Variants in RSU1 observed in about 807,000 individuals in gnomAD.
RSU1 encodes the protein rsu-1.
Under a neutral mutation model 31.1 loss-of-function variants are expected in RSU1, and 26 were observed. The ratio of observed to expected loss-of-function variants is 0.84; its 90% CI spans 0.61 to 1.16. The LOEUF (loss-of-function observed/expected upper bound fraction) is 1.16. Among genes scored for constraint, RSU1 ranks in the 50% most tolerant of loss-of-function variants. RSU1 has a pLI of 0.00. For synonymous variants in RSU1, 164 were observed against 136.3 expected, an observed-to-expected ratio of 1.20 and a Z score of -1.41; for missense variants, 320 against 339.1, an observed-to-expected ratio of 0.94 and a Z score of 0.44.
At chr10:16,806,389 T>A (rs1355471488) in intron 2 of RSU1, among the ~76,000 whole-genome samples, 4 of 152,216 alleles carry the variant, frequency 2.6e-5, no homozygotes, top group Non-Finnish European at 5.9e-5. Context: ...CTGAGAACAC[T>A]GCTTCCGACG....
At chr10:16,750,866 T>TC (rs1167039071) in intron 7 of RSU1, among the ~76,000 whole-genome samples, 1 of 150,216 alleles carries the variant, frequency 6.7e-6, no homozygotes, top group African/African-American at 2.5e-5. Context: ...GATCTCTCTT[T>TC]TTTTTTTTTT....
intron 8 of RSU1, among the ~76,000 whole-genome samples, chr10:16,614,505 G>A (rs182042678): frequency 2.6e-4 from 39 of 152,094 alleles, no homozygotes; most frequent in Admixed American, 6.5e-5. Flanking sequence ...AAAAATAAGA[G>A]TATCAATGGA....
At chr10:16,710,504 G>C (rs2131579901) in intron 7 of RSU1, among the ~76,000 whole-genome samples, 1 of 152,120 alleles carries the variant, frequency 6.6e-6, no homozygotes, top group Non-Finnish European at 1.5e-5. Flanking sequence ...TTCAGGATCA[G>C]GGTAATGCTG....
chr10:16,769,530 G>A (rs1275059989), intron 3 of RSU1, among the ~76,000 whole-genome samples: 1 of 152,162 alleles, frequency 6.6e-6, no homozygotes, highest in Admixed American at 6.5e-5. Context: ...AAACCACAGA[G>A]ACGTCAGAAT....
intron 3 of RSU1, among the ~76,000 whole-genome samples, chr10:16,780,370 G>T (rs1837626644): frequency 6.6e-6 from 1 of 152,168 alleles, no homozygotes; most frequent in African/African-American, 2.4e-5. Flanking sequence ...CTCTTCAGTA[G>T]CTGGGACCAC....
At chr10:16,812,345 G>A (rs1838426892) in intron 2 of RSU1, among the ~76,000 whole-genome samples, 1 of 152,198 alleles carries the variant, frequency 6.6e-6, no homozygotes, top group South Asian at 2.1e-4. Context: ...GGGAGGCTGA[G>A]GCAGGAGAAT....
chr10:16,757,094 C>T (rs1256124089), intron 4 of RSU1, among the ~76,000 whole-genome samples: 4 of 136,454 alleles, frequency 2.9e-5, no homozygotes, highest in South Asian at 2.4e-4. Context: ...GGGTGTGGTG[C>T]GTGTGGGTAT....
intron 8 of RSU1, among the ~76,000 whole-genome samples, chr10:16,687,159 G>A (rs1265686625): frequency 6.6e-6 from 1 of 152,198 alleles, no homozygotes; most frequent in Non-Finnish European, 1.5e-5. Context: ...AAACACTCCA[G>A]AGTAGGACAC....
intron 8 of RSU1, among the ~76,000 whole-genome samples, chr10:16,616,371 C>CAAAAAAAAA (rs529296931): frequency 1.1e-5 from 1 of 90,964 alleles, no homozygotes; most frequent in African/African-American, 3.1e-5. Context: ...GCCTACCAAC[C>CAAAAAAAAA]AAAAAAAAAA....
chr10:16,791,759 G>A lies in RSU1; in HGVS notation c.110-9675C>T, dbSNP rs1392487331. ...AGGTCCCGCTTTTTCCTCTTCTTCA[G>A]GATAAAGTAGACAATATAAGGAAGG... On this transcript the variant is annotated intron_variant, in intron 2 of 8. Transcript: ENST00000345264. 1.3e-5 allele frequency among the ~76,000 whole-genome samples: 2 copies of A among 152,136 alleles called. 1 individual carries two copies. The highest frequency in any genetic ancestry group is 3.9e-4 in the East Asian group (2 of 5,190).
At chr10:16,756,403 C>T (rs1837087604) in intron 4 of RSU1, among the ~76,000 whole-genome samples, 1 of 152,074 alleles carries the variant, frequency 6.6e-6, no homozygotes, top group African/African-American at 2.4e-5. Context: ...TTCCTGGGTC[C>T]AATGAGACAT....
At chr10:16,813,533 T>G (rs1384284381) in intron 2 of RSU1, among the ~76,000 whole-genome samples, 1 of 152,236 alleles carries the variant, frequency 6.6e-6, no homozygotes, top group African/African-American at 2.4e-5. Context: ...TAACTAACAT[T>G]TAATGTGCAT....
chr10:16,727,041 T>C (rs1260057730), intron 7 of RSU1: 4 of 456,358 alleles, frequency 8.8e-6, no homozygotes, highest in South Asian at 4.7e-5. Flanking sequence ...CTGAAGTTAA[T>C]GAGGGAAGAG....
chr10:16,604,680 C>A (rs549742700), intron 8 of RSU1, among the ~76,000 whole-genome samples: 3 of 152,126 alleles, frequency 2.0e-5, no homozygotes, highest in African/African-American at 7.2e-5. Context: ...GGTGGGGAAA[C>A]AAGGCCCAGA....
Position 16,708,556 on chromosome 10 carries a change from T to A in RSU1, c.599-13401A>T, listed in dbSNP as rs533373642. Among the ~76,000 whole-genome samples, 71 of 152,312 alleles carry A rather than the reference T, an allele frequency of 4.7e-4. No homozygotes were observed. The East Asian group carries it at 0.014, about 29-fold the overall frequency. On this transcript the variant is annotated intron_variant, in intron 7 of 8. Transcript: ENST00000345264. ...TCTTTTTGCTCAGGGTTGCTTTGGC[T>A]ATTTGGGTCCTTTTGTGGTTCCATA...
At chr10:16,731,395 A>C (rs1836508822) in intron 7 of RSU1, among the ~76,000 whole-genome samples, 1 of 149,764 alleles carries the variant, frequency 6.7e-6, no homozygotes, top group Non-Finnish European at 1.5e-5. Flanking sequence ...GCACCACTGC[A>C]CTCGAGCCTG....
chr10:16,680,362 T>TA (rs552623149), intron 8 of RSU1, among the ~76,000 whole-genome samples: 216 of 152,002 alleles, frequency 1.4e-3, no homozygotes, highest in African/African-American at 5.0e-3. Context: ...AGCTCAAGTT[T>TA]AAAAAAATAG....
intron 3 of RSU1, among the ~76,000 whole-genome samples, chr10:16,776,012 T>C (rs114435285): frequency 5.3e-5 from 8 of 152,320 alleles, no homozygotes; most frequent in African/African-American, 1.9e-4. Flanking sequence ...TTTAATTTCA[T>C]ACAAGCCATG....
chr10:16,780,895 G>C (rs1323050127), intron 3 of RSU1, among the ~76,000 whole-genome samples: 5 of 152,184 alleles, frequency 3.3e-5, no homozygotes. Context: ...TGACAACTGT[G>C]CCGTCACTCT....
Sources: allele counts gnomAD v4.1 joint callset (sites outside exome capture counted in the v4.1 genomes callset), GRCh38; gene constraint gnomAD v4.1.1; transcripts MANE v1.5; gene names NCBI Gene and HGNC (gene_info 2026-07-23, HGNC 2026-07-21).